EFNB2: variants seen among roughly 807,000 people sequenced by gnomAD.
The protein encoded by EFNB2 is ephrin-B2.
A neutral mutation model predicts 32.1 loss-of-function variants in EFNB2; 5 were observed. The ratio of observed to expected loss-of-function variants is 0.16; its 90% CI spans 0.08 to 0.33. The LOEUF (loss-of-function observed/expected upper bound fraction) is 0.33, where lower values mean the gene tolerates loss of function less well. EFNB2 is among the 10% of genes least tolerant of loss of function. The pLI, the probability that EFNB2 is intolerant of heterozygous loss-of-function variation, is 1.00. For missense variants in EFNB2, 263 were observed against 422.6 expected, an observed-to-expected ratio of 0.62 and a Z score of 3.31; for synonymous variants, 168 against 166.5, an observed-to-expected ratio of 1.01 and a Z score of -0.07.
rs1878506145 is a variant in EFNB2, at chr13:106,493,986, T to C, written c.614-558A>G. 6.6e-6 allele frequency among the ~76,000 whole-genome samples: 1 copy of C among 152,226 alleles called. No homozygotes were observed. The highest frequency in any genetic ancestry group is 1.5e-5 in the Non-Finnish European group (1 of 68,046). ...TGTATTATTTGATTTACACTTAAAATATATTTGGAAGGCAGCAGAAACTCT... is the reference window on the plus strand; with the variant it reads ...TGTATTATTTGATTTACACTTAAAACATATTTGGAAGGCAGCAGAAACTCT... On this transcript the variant is annotated intron_variant, in intron 4 of 4. Transcript: ENST00000646441. The surrounding 1 kb of genome is among the most constrained non-coding windows in gnomAD (Gnocchi z 6.1).
rs943939612 is a variant in EFNB2, at chr13:106,535,140, G to A, written c.-176C>T. 2 of 541,932 alleles carry A rather than the reference G, an allele frequency of 3.7e-6. No homozygotes were observed. The highest frequency in any genetic ancestry group is 5.1e-6 in the Non-Finnish European group (2 of 393,382). The allele number at this position is 541,932 out of a possible 1,614,324, so 33.6% of individuals were successfully genotyped here. ...GCCGGGCCAGGTGCGCTCGCTCTCC[G>A]GGGCCCTCAGGGCGCGGGGCGGGAG... On this transcript the variant is annotated 5_prime_UTR_variant, in exon 1 of 5. Transcript: ENST00000646441.
intron 2 of EFNB2, among the ~76,000 whole-genome samples, chr13:106,498,563 T>G (rs1019890722): frequency 6.6e-5 from 10 of 152,200 alleles, no homozygotes; most frequent in African/African-American, 2.4e-4. Flanking sequence ...AATCTATAAT[T>G]TAACATCCAC....
At chr13:106,532,139 C>T (rs1879897392) in intron 1 of EFNB2, among the ~76,000 whole-genome samples, 1 of 151,350 alleles carries the variant, frequency 6.6e-6, no homozygotes, top group African/African-American at 2.4e-5. Context: ...CGTATCAAAG[C>T]AATGTGAATA....
At chr13:106,529,552 A>G (rs1033724073) in intron 1 of EFNB2, among the ~76,000 whole-genome samples, 3 of 152,214 alleles carry the variant, frequency 2.0e-5, no homozygotes, top group Non-Finnish European at 4.4e-5. Context: ...CATACTTCCT[A>G]ATCCCAGTTT....
rs1342611189 is a variant in EFNB2 at position 106,493,945 on chromosome 13, C to T, written c.614-517G>A. Among the ~76,000 whole-genome samples the T allele has an allele frequency of 6.6e-6, 1 of 152,178 alleles. No homozygotes were observed. Among genetic ancestry groups the T allele is most frequent in the Non-Finnish European group, 1.5e-5 (1 of 68,028 alleles). On this transcript the variant is annotated intron_variant, in intron 4 of 4. Coordinates refer to ENST00000646441, the MANE Select transcript of EFNB2 (RefSeq NM_004093.4). This position sits in a 1 kb window ranked among gnomAD's most constrained non-coding sequence, Gnocchi z 6.1. ...GAGTGAGGGGGCCTGGGAAAATGTT[C>T]AGCTCGTAACTCGTCTGTATTATTT... is the stretch of plus-strand genomic sequence containing the variant.
intron 2 of EFNB2, among the ~76,000 whole-genome samples, chr13:106,509,666 T>C (rs1486551324): frequency 6.9e-6 from 1 of 145,314 alleles, no homozygotes; most frequent in Non-Finnish European, 1.5e-5. Context: ...TGTGTGTGTG[T>C]GTGTGCATTT....
At chr13:106,502,240 GAAT>G (rs1878807059) in intron 2 of EFNB2, among the ~76,000 whole-genome samples, 2 of 152,162 alleles carry the variant, frequency 1.3e-5, no homozygotes, top group Non-Finnish European at 2.9e-5. Context: ...GCACTAAACA[GAAT>G]AATTTGGAAA....
At chr13:106,516,918 GA>G (rs1879330948) in intron 1 of EFNB2, 1 of 152,182 alleles carries the variant, frequency 6.6e-6, no homozygotes, top group African/African-American at 2.4e-5. Flanking sequence ...TATATGAAAA[GA>G]AAATGGGGTG....
chr13:106,530,192 G>C (rs952732035), intron 1 of EFNB2, among the ~76,000 whole-genome samples: 1 of 152,104 alleles, frequency 6.6e-6, no homozygotes, highest in Middle Eastern at 3.4e-3. Flanking sequence ...CAAGCTGTTC[G>C]GAACATGTCC....
intron 1 of EFNB2, among the ~76,000 whole-genome samples, chr13:106,525,718 A>G (rs1879676950): frequency 6.6e-6 from 1 of 152,068 alleles, no homozygotes; most frequent in Non-Finnish European, 1.5e-5. Context: ...ACCTTGCACC[A>G]AGCACCTAAC....
rs772473336 is a variant in EFNB2 at position 106,494,961 on chromosome 13, T to C, written c.533A>G (p.Asp178Gly). ...ASSAGSTRNK[D>G]PTRRPELEAG... ...TTCTAGTTCTGGACGTCTTGTTGGA[T>C]CTTTATTCCTGGTTGATCCAGCAGA... Residue 178 changes from aspartate to glycine, a missense_variant, in exon 4 of 5, where the codon GAT becomes GGT. Asp to Gly is a moderately conservative substitution (Grantham distance 94). Transcript: ENST00000646441. 6.2e-7 allele frequency: 1 copy of C among 1,614,184 alleles called. No homozygotes were observed. Among genetic ancestry groups the C allele is most frequent in the Non-Finnish European group, 8.5e-7 (1 of 1,180,002 alleles).
At chr13:106,508,146 C>T (rs1448021799) in intron 2 of EFNB2, among the ~76,000 whole-genome samples, 4 of 152,086 alleles carry the variant, frequency 2.6e-5, no homozygotes. Context: ...ACACACCAAA[C>T]CTGCTGACTC....
At chr13:106,510,740 G>A (rs1221071472) in intron 2 of EFNB2, among the ~76,000 whole-genome samples, 3 of 151,164 alleles carry the variant, frequency 2.0e-5, no homozygotes, top group South Asian at 2.1e-4. Context: ...AAGGCCAGGC[G>A]CGGTGGCTCA....
In EFNB2 at chr13:106,492,023, CCTA is replaced by C. The variant is rs1566453143; in HGVS notation, c.*1014_*1016del. 1 of 152,626 alleles carries C rather than the reference CCTA, an allele frequency of 6.6e-6. No homozygotes were observed. The allele number at this position is 152,626 out of a possible 1,614,324, so 9.5% of individuals were successfully genotyped here. ...TCCTGCCCGAATATATCATCAGCGG[CCTA>C]CTTTCTCCCTTCCCTCCAAGCCTGT... On this transcript the variant is annotated 3_prime_UTR_variant, in exon 5 of 5. Transcript: ENST00000646441. The surrounding 1 kb of genome is among the most constrained non-coding windows in gnomAD (Gnocchi z 5.1).
Position 106,492,518 on chromosome 13 carries a change from G to A in EFNB2, c.*522C>T. 6.5e-6 allele frequency: 1 copy of A among 154,420 alleles called. No homozygotes were observed. Among genetic ancestry groups the A allele is most frequent in the Non-Finnish European group, 1.4e-5 (1 of 69,374 alleles). 9.6% of individuals were successfully genotyped at this position (154,420 alleles called of 1,614,324 possible). On this transcript the variant is annotated 3_prime_UTR_variant, in exon 5 of 5. Transcript: ENST00000646441. This position sits in a 1 kb window ranked among gnomAD's most constrained non-coding sequence, Gnocchi z 5.1. ...TGGAGGTCTCAGGTGAGGTGCTGCA[G>A]AGCCCTGGGTAACAGAACGAGTGAG...
chr13:106,527,150 C>T (rs1416074697), intron 1 of EFNB2, among the ~76,000 whole-genome samples: 3 of 151,816 alleles, frequency 2.0e-5, no homozygotes, highest in Non-Finnish European at 4.4e-5. Flanking sequence ...TGGATAAGGC[C>T]GCAGTGGCAA....
intron 2 of EFNB2, among the ~76,000 whole-genome samples, chr13:106,505,428 T>C (rs1878920264): frequency 6.6e-6 from 1 of 152,178 alleles, no homozygotes; most frequent in Non-Finnish European, 1.5e-5. Context: ...AAGTTTCAGC[T>C]TTCTCACAGT....
intron 1 of EFNB2, among the ~76,000 whole-genome samples, chr13:106,528,854 CTT>C (rs1358593165): frequency 5.9e-5 from 9 of 152,146 alleles, no homozygotes; most frequent in African/African-American, 2.2e-4. Flanking sequence ...CTGTTTTTGA[CTT>C]TAAGGCTGGG....
intron 1 of EFNB2, among the ~76,000 whole-genome samples, chr13:106,533,860 CT>C (rs1879964971): frequency 6.6e-6 from 1 of 152,142 alleles, no homozygotes; most frequent in South Asian, 2.1e-4. Flanking sequence ...ATACACAGTA[CT>C]GAATACCCAG....
Sources: allele counts gnomAD v4.1 joint callset (sites outside exome capture counted in the v4.1 genomes callset), GRCh38; gene constraint gnomAD v4.1.1; non-coding constraint Gnocchi (gnomAD v3.1); transcripts MANE v1.5; gene names NCBI Gene and HGNC (gene_info 2026-07-23, HGNC 2026-07-21).